ATP2B2: variants seen among roughly 807,000 people sequenced by gnomAD.
The protein encoded by ATP2B2 is plasma membrane calcium-transporting ATPase 2.
In ATP2B2, 15 loss-of-function variants were observed where a neutral mutation model predicts 120.0. The ratio of observed to expected loss-of-function variants is 0.12; its 90% CI spans 0.08 to 0.19. The LOEUF is 0.19. Ranked by LOEUF, ATP2B2 falls within the 10% of genes least tolerant of loss-of-function variation. ATP2B2 has a pLI of 1.00. For missense variants in ATP2B2, 1,045 were observed against 1,719.8 expected (o/e 0.61, Z 6.94); for synonymous variants, 694 against 700.3 (o/e 0.99, Z 0.14).
chr3:10,473,449 T>C (rs760167809), intron 1 of ATP2B2, among the ~76,000 whole-genome samples: 2 of 152,172 alleles, frequency 1.3e-5, no homozygotes. Flanking sequence ...CTGGCCAACA[T>C]GGTGAAACCC....
intron 2 of ATP2B2, among the ~76,000 whole-genome samples, chr3:10,446,337 T>C (rs1332592871): frequency 1.3e-5 from 2 of 152,224 alleles, no homozygotes; most frequent in Non-Finnish European, 2.9e-5. Context: ...CCTGATTTTA[T>C]TCAATATTCA....
intron 2 of ATP2B2, among the ~76,000 whole-genome samples, chr3:10,615,264 C>T (rs2069354190): frequency 6.6e-6 from 1 of 152,144 alleles, no homozygotes; most frequent in South Asian, 2.1e-4. Flanking sequence ...GGTGGGTGAT[C>T]AGGGACAGGT....
At chr3:10,601,922 A>G (rs1430036702) in intron 2 of ATP2B2, among the ~76,000 whole-genome samples, 1 of 152,196 alleles carries the variant, frequency 6.6e-6, no homozygotes, top group African/African-American at 2.4e-5. Context: ...CCCCCAGCTA[A>G]GCCTGCTCTT....
rs545921893 is a variant in ATP2B2, at chr3:10,455,197, G to T, written c.-319-5335C>A. 2.5e-4 allele frequency among the ~76,000 whole-genome samples: 38 copies of T among 152,254 alleles called. 1 individual carries two copies. The highest frequency in any genetic ancestry group is 8.4e-4 in the African/African-American group (35 of 41,546). Reference sequence around the variant, plus strand: ...ACCCTGCCTACCTTAAGAGTTTTCTGGGGGGTCAGGAAAGATAACAAAATC... The same window carrying T: ...ACCCTGCCTACCTTAAGAGTTTTCTTGGGGGTCAGGAAAGATAACAAAATC... On this transcript the variant is annotated intron_variant, in intron 1 of 22. Transcript: ENST00000360273.
At chr3:10,350,002 G>T in intron 16 of ATP2B2, 110 bp downstream of exon 16, 1 of 1,129,174 alleles carries the variant, frequency 8.9e-7, no homozygotes. Flanking sequence ...GAGAGTCAGG[G>T]GCGAGGGGCC....
At chr3:10,450,884 G>A (rs182993194) in intron 1 of ATP2B2, among the ~76,000 whole-genome samples, 2 of 152,238 alleles carry the variant, frequency 1.3e-5, no homozygotes, top group Admixed American at 6.5e-5. Flanking sequence ...GGTGACAAAG[G>A]GCCCCAGCTG....
At chr3:10,602,936 T>A (rs904786198) in intron 2 of ATP2B2, among the ~76,000 whole-genome samples, 2 of 152,230 alleles carry the variant, frequency 1.3e-5, no homozygotes, top group Non-Finnish European at 2.9e-5. Flanking sequence ...CTCTCTGAAC[T>A]GAGCCTCCTT....
chr3:10,578,695 A>G (rs1447053226), intron 2 of ATP2B2, among the ~76,000 whole-genome samples: 1 of 151,852 alleles, frequency 6.6e-6, no homozygotes, highest in Non-Finnish European at 1.5e-5. Flanking sequence ...ACAACTTGTG[A>G]TGTAGTCTGA....
chr3:10,570,208 T>TAA (rs2068092966), intron 2 of ATP2B2: 1 of 152,180 alleles, frequency 6.6e-6, no homozygotes, highest in African/African-American at 2.4e-5. Context: ...TAATTCACTC[T>TAA]AAAATAAAGG....
intron 14 of ATP2B2, among the ~76,000 whole-genome samples, chr3:10,356,033 C>CCACTG (rs2060715200): frequency 3.9e-5 from 1 of 25,392 alleles, no homozygotes; most frequent in Non-Finnish European, 6.8e-5. Context: ...CGAGATCGCG[C>CCACTG]CACTGCACTC....
intron 6 of ATP2B2, 57 bp downstream of exon 6, chr3:10,388,220 A>C (rs1317999544): frequency 1.2e-6 from 2 of 1,608,270 alleles, no homozygotes; most frequent in Non-Finnish European, 1.7e-6. Flanking sequence ...CAAATAAACA[A>C]AAAAAAAATG....
chr3:10,455,089 G>A (rs1559359379), intron 1 of ATP2B2, among the ~76,000 whole-genome samples: 1 of 152,154 alleles, frequency 6.6e-6, no homozygotes, highest in Non-Finnish European at 1.5e-5. Context: ...TTTGGTGTTG[G>A]GTCTACTGCC....
intron 2 of ATP2B2, among the ~76,000 whole-genome samples, chr3:10,411,268 G>T (rs2062601019): frequency 6.6e-6 from 1 of 152,228 alleles, no homozygotes; most frequent in Non-Finnish European, 1.5e-5. Context: ...GGGGGCACCA[G>T]ACGCTGGAAG....
At chr3:10,590,020 A>T (rs758540551) in intron 2 of ATP2B2, among the ~76,000 whole-genome samples, 5 of 152,194 alleles carry the variant, frequency 3.3e-5, no homozygotes, top group Non-Finnish European at 7.3e-5. Context: ...AAACAATCCT[A>T]ATGTCTCTCA....
At chr3:10,636,240 C>G (rs1344148830) in intron 1 of ATP2B2, among the ~76,000 whole-genome samples, 1 of 152,192 alleles carries the variant, frequency 6.6e-6, no homozygotes, top group African/African-American at 2.4e-5. Context: ...ACTCCTGCCT[C>G]AGAGTGCTAG....
intron 2 of ATP2B2, among the ~76,000 whole-genome samples, chr3:10,439,844 C>T (rs900245650): frequency 1.5e-4 from 18 of 118,376 alleles, no homozygotes; most frequent in Non-Finnish European, 3.8e-4. Flanking sequence ...CAATCTTTGC[C>T]TCCCGGGTTC....
chr3:10,345,676 C>T, intron 17 of ATP2B2, 101 bp from the exon 18 acceptor site: 2 of 1,167,050 alleles, frequency 1.7e-6, no homozygotes, highest in Non-Finnish European at 2.5e-6. Flanking sequence ...TCCTACACAA[C>T]TCCCAGTGGG....
intron 2 of ATP2B2, among the ~76,000 whole-genome samples, chr3:10,608,560 A>G (rs1234745612): frequency 6.6e-6 from 1 of 152,234 alleles, no homozygotes; most frequent in Non-Finnish European, 1.5e-5. Context: ...GCCTCTGCTC[A>G]GACCTGCCGA....
intron 1 of ATP2B2, among the ~76,000 whole-genome samples, chr3:10,690,398 C>G (rs2005201): frequency 2.6e-5 from 4 of 151,860 alleles, no homozygotes; most frequent in Admixed American, 2.0e-4. Flanking sequence ...GGATAGAGAG[C>G]TAACATATAG....
Sources: gnomAD v4.1 joint callset for allele counts (sites outside exome capture counted in the v4.1 genomes callset) on GRCh38, gnomAD v4.1.1 for gene constraint, MANE v1.5 for transcripts, NCBI Gene and HGNC (gene_info 2026-07-23, HGNC 2026-07-21) for gene names.